The following TUT4 variants were observed in gnomAD, a reference collection of about 807,000 sequenced individuals.
The protein encoded by TUT4 is terminal uridylyltransferase 4.
Under a neutral mutation model 192.2 loss-of-function variants are expected in TUT4, and 36 were observed. The observed-to-expected ratio is 0.19, with a 90% CI of 0.14 to 0.25. The LOEUF is 0.25. Among genes scored for constraint, TUT4 ranks in the 10% least tolerant of loss-of-function variants. The pLI is 1.00. For synonymous variants in TUT4, 618 were observed against 666.0 expected, an observed-to-expected ratio of 0.93 and a Z score of 1.11; for missense variants, 1,493 against 1,957.2, an observed-to-expected ratio of 0.76 and a Z score of 4.47.
intron 20 of TUT4, among the ~76,000 whole-genome samples, chr1:52,455,301 T>C (rs1036416099): frequency 1.3e-5 from 2 of 151,788 alleles, no homozygotes; most frequent in African/African-American, 2.4e-5. Flanking sequence ...AATAAATAGA[T>C]AAATAAAACA....
At chr1:52,548,890 T>C (rs1335896252) in intron 1 of TUT4, among the ~76,000 whole-genome samples, 2 of 152,246 alleles carry the variant, frequency 1.3e-5, no homozygotes, top group African/African-American at 4.8e-5. Flanking sequence ...CTTAAGCTAT[T>C]GTTTTCTAGA....
chr1:52,501,833 T>C (rs1027724323), intron 4 of TUT4, among the ~76,000 whole-genome samples: 1 of 152,150 alleles, frequency 6.6e-6, no homozygotes, highest in Non-Finnish European at 1.5e-5. Context: ...GAAGACATGC[T>C]AAGTGAAATA....
chr1:52,540,146 G>A (rs922685190), intron 1 of TUT4, among the ~76,000 whole-genome samples: 8 of 151,640 alleles, frequency 5.3e-5, no homozygotes, highest in Admixed American at 4.6e-4. Flanking sequence ...GTGAACCCGG[G>A]AGGCAGAGAC....
In TUT4 at chr1:52,543,056, G is replaced by A. The variant is rs542496678; in HGVS notation, c.-94+9875C>T. Among the ~76,000 whole-genome samples, 10 of 152,222 alleles carry A rather than the reference G, an allele frequency of 6.6e-5. No homozygotes were observed. In the South Asian group the frequency reaches 2.1e-3, roughly 32 times the overall value. Reference sequence around the variant, plus strand: ...AGGCGTGAGCCACCATGCCCGGCCTGTGTTCACCATTTCTGCTCAACACAG... The same window carrying A: ...AGGCGTGAGCCACCATGCCCGGCCTATGTTCACCATTTCTGCTCAACACAG... On this transcript the variant is annotated intron_variant, in intron 1 of 29. Coordinates refer to ENST00000257177, the MANE Select transcript of TUT4 (RefSeq NM_001009881.3).
intron 13 of TUT4, among the ~76,000 whole-genome samples, chr1:52,473,858 C>A (rs1666415507): frequency 6.6e-6 from 1 of 152,110 alleles, no homozygotes; most frequent in African/African-American, 2.4e-5. Flanking sequence ...TCGCTTACTT[C>A]CTGTTCAATG....
chr1:52,506,882 A>T lies in TUT4; in HGVS notation c.999+2714T>A, dbSNP rs140109599. 5.0e-3 allele frequency among the ~76,000 whole-genome samples: 766 copies of T among 152,304 alleles called. 8 individuals are homozygous for T. Among genetic ancestry groups the T allele is most frequent in the African/African-American group, 0.017 (709 of 41,562 alleles). ...TACATTATGTGAACTTTTTTCAGTGATGAGTATTTTTGTATTTCTGTAATA... is the reference window on the plus strand; with the variant it reads ...TACATTATGTGAACTTTTTTCAGTGTTGAGTATTTTTGTATTTCTGTAATA... On this transcript the variant is annotated intron_variant, in intron 4 of 29. Transcript: ENST00000257177.
intron 20 of TUT4, among the ~76,000 whole-genome samples, chr1:52,448,610 A>G (rs959946894): frequency 6.6e-6 from 1 of 151,200 alleles, no homozygotes; most frequent in African/African-American, 2.4e-5. Context: ...AAAAAAAAAA[A>G]AAAGAGGCAA....
At chr1:52,508,297 A>T (rs946462294) in intron 4 of TUT4, among the ~76,000 whole-genome samples, 1 of 149,104 alleles carries the variant, frequency 6.7e-6, no homozygotes, top group African/African-American at 2.5e-5. Context: ...ACTGAACTCC[A>T]GCCTGGAAGA....
chr1:52,507,677 C>T (rs1675981417), intron 4 of TUT4, among the ~76,000 whole-genome samples: 2 of 152,114 alleles, frequency 1.3e-5, no homozygotes, highest in Non-Finnish European at 2.9e-5. Flanking sequence ...TTTTAGAACA[C>T]CAACATGATG....
intron 2 of TUT4, among the ~76,000 whole-genome samples, chr1:52,521,180 G>A (rs1055771426): frequency 3.3e-5 from 5 of 152,134 alleles, no homozygotes; most frequent in Non-Finnish European, 7.3e-5. Context: ...GGAATTATCG[G>A]TTCCATCACT....
chr1:52,527,295 C>G (rs1251826139), intron 1 of TUT4, among the ~76,000 whole-genome samples: 1 of 152,214 alleles, frequency 6.6e-6, no homozygotes, highest in Non-Finnish European at 1.5e-5. Context: ...TGCCTGTAAT[C>G]CCAACACTTT....
intron 1 of TUT4, among the ~76,000 whole-genome samples, chr1:52,549,025 T>G: frequency 6.6e-6 from 1 of 152,328 alleles, no homozygotes; most frequent in East Asian, 1.9e-4. Context: ...AATTAAAAGT[T>G]CTTGGACAGT....
chr1:52,520,749 C>T (rs1345377702), intron 2 of TUT4, among the ~76,000 whole-genome samples: 1 of 152,098 alleles, frequency 6.6e-6, no homozygotes. Context: ...TTTCATTTTT[C>T]TCAAAGGATT....
At chr1:52,503,038 C>G (rs74515764) in intron 4 of TUT4, among the ~76,000 whole-genome samples, 13,237 of 152,198 alleles carry the variant, frequency 0.087, 732 homozygotes, top group East Asian at 0.2. Context: ...TCATTTAATT[C>G]TCACAATATT....
At chr1:52,436,646 A>G (rs1653882015) in intron 26 of TUT4, 109 bp downstream of exon 26, 4 of 1,517,606 alleles carry the variant, frequency 2.6e-6, no homozygotes, top group Non-Finnish European at 3.5e-6. Flanking sequence ...GTAAGGTCCA[A>G]AATCATACAA....
intron 1 of TUT4, among the ~76,000 whole-genome samples, chr1:52,540,608 T>C (rs1164118859): frequency 6.6e-6 from 1 of 152,150 alleles, no homozygotes; most frequent in African/African-American, 2.4e-5. Flanking sequence ...GTGAAGTTAC[T>C]ATAATTAGAG....
chr1:52,472,042 C>G lies in TUT4; in HGVS notation c.2788G>C (p.Glu930Gln). The G allele has an allele frequency of 6.2e-7, 1 of 1,613,968 alleles. No homozygotes were observed. Among genetic ancestry groups the G allele is most frequent in the Non-Finnish European group, 8.5e-7 (1 of 1,179,928 alleles). Reference sequence around the variant, plus strand: ...TTTAAATCAATTTTCCTAAAATCCTCTGGGCAATCATTCTTTGAATGGCCA... The same window carrying G: ...TTTAAATCAATTTTCCTAAAATCCTGTGGGCAATCATTCTTTGAATGGCCA... ...KDGHSKNDCP[E>Q]DFRKIDLKPL... The change falls in exon 14 of 30, where the codon GAG becomes CAG. Residue 930 changes from glutamate (E) to glutamine (Q), a missense_variant. Transcript: ENST00000257177.
At chr1:52,515,176 C>T (rs1185282659) in intron 3 of TUT4, 1 of 152,168 alleles carries the variant, frequency 6.6e-6, no homozygotes, top group Non-Finnish European at 1.5e-5. Context: ...GAATAAGATA[C>T]CAATGGCTAG....
intron 16 of TUT4, among the ~76,000 whole-genome samples, chr1:52,464,720 C>T (rs1663633411): frequency 6.6e-6 from 1 of 152,116 alleles, no homozygotes; most frequent in Non-Finnish European, 1.5e-5. Flanking sequence ...TATGAGAAGA[C>T]AAAGTATGAA....
Sources: allele counts gnomAD v4.1 joint callset (sites outside exome capture counted in the v4.1 genomes callset), GRCh38; gene constraint gnomAD v4.1.1; transcripts MANE v1.5; gene names NCBI Gene and HGNC (gene_info 2026-07-23, HGNC 2026-07-21).